CALN1: variants seen among roughly 807,000 people sequenced by gnomAD.
CALN1 encodes calcium-binding protein 8.
In CALN1, 17 loss-of-function variants were observed where a neutral mutation model predicts 30.6. That is an observed-to-expected ratio of 0.56 (90% CI 0.38 to 0.83). CALN1 has a LOEUF of 0.83. Ranked by LOEUF, CALN1 falls within the 40% of genes least tolerant of loss-of-function variation. CALN1 has a pLI of 0.00. For missense variants in CALN1, 291 were observed against 354.9 expected, an observed-to-expected ratio of 0.82 and a Z score of 1.45; for synonymous variants, 156 against 131.4, an observed-to-expected ratio of 1.19 and a Z score of -1.28.
chr7:72,101,381 T>C (rs529807882), intron 4 of CALN1, among the ~76,000 whole-genome samples: 2 of 152,282 alleles, frequency 1.3e-5, no homozygotes, highest in Admixed American at 1.3e-4. Context: ...TCTGAAATAA[T>C]GATGGAAGTC....
intron 5 of CALN1, among the ~76,000 whole-genome samples, chr7:71,901,379 A>G (rs1331915912): frequency 6.6e-6 from 1 of 151,078 alleles, no homozygotes; most frequent in African/African-American, 2.4e-5. Context: ...TACTAATATC[A>G]TTTTTCACAG....
intron 2 of CALN1, among the ~76,000 whole-genome samples, chr7:72,379,829 T>G (rs1804783063): frequency 6.6e-6 from 1 of 152,224 alleles, no homozygotes; most frequent in South Asian, 2.1e-4. Context: ...ATGTTAGGAC[T>G]TAAAGCCTGC....
intron 1 of CALN1, among the ~76,000 whole-genome samples, chr7:72,411,495 T>C (rs1428001946): frequency 1.4e-5 from 2 of 146,378 alleles, no homozygotes; most frequent in African/African-American, 2.5e-5. Context: ...GTGAACTCAA[T>C]TTATTTTTGT....
At chr7:71,940,540 A>G (rs971893627) in intron 5 of CALN1, among the ~76,000 whole-genome samples, 5 of 152,104 alleles carry the variant, frequency 3.3e-5, no homozygotes, top group Non-Finnish European at 7.3e-5. Context: ...TTTACTTTCC[A>G]ATACCATGAA....
intron 4 of CALN1, among the ~76,000 whole-genome samples, chr7:72,049,022 T>G (rs1051828416): frequency 6.6e-6 from 1 of 152,162 alleles, no homozygotes; most frequent in Non-Finnish European, 1.5e-5. Context: ...TTACTCAGGC[T>G]GCTCTAGAAC....
chr7:72,247,250 T>C (rs1250092268), intron 3 of CALN1, among the ~76,000 whole-genome samples: 9 of 118,646 alleles, frequency 7.6e-5, no homozygotes, highest in Non-Finnish European at 1.5e-4. Context: ...TTTTTTTTTT[T>C]TTTTTTTTTT....
At chr7:72,186,293 C>G (rs889972794) in intron 3 of CALN1, among the ~76,000 whole-genome samples, 3 of 151,942 alleles carry the variant, frequency 2.0e-5, no homozygotes, top group Admixed American at 6.6e-5. Flanking sequence ...CAATAGGAAC[C>G]GAATGGACAG....
At chr7:72,056,999 G>T (rs781366920) in intron 4 of CALN1, among the ~76,000 whole-genome samples, 2 of 151,948 alleles carry the variant, frequency 1.3e-5, no homozygotes, top group Admixed American at 6.6e-5. Flanking sequence ...GGAGTGCAGC[G>T]GCATGATCAT....
intron 5 of CALN1, among the ~76,000 whole-genome samples, chr7:71,894,752 CATG>C (rs1415548195): frequency 6.6e-6 from 1 of 152,136 alleles, no homozygotes; most frequent in Non-Finnish European, 1.5e-5. Flanking sequence ...TTTCTGAGAG[CATG>C]ATATGTTTTT....
At chr7:72,177,692 G>C (rs1228053572) in intron 3 of CALN1, among the ~76,000 whole-genome samples, 1 of 149,652 alleles carries the variant, frequency 6.7e-6, no homozygotes, top group South Asian at 2.1e-4. Context: ...TTGAACCTGA[G>C]AGGCAGAAGC....
At chr7:72,334,936 C>G (rs1401730025) in intron 2 of CALN1, among the ~76,000 whole-genome samples, 1 of 152,168 alleles carries the variant, frequency 6.6e-6, no homozygotes, top group Non-Finnish European at 1.5e-5. Context: ...CCAGGGCAGG[C>G]TACTCTGGAA....
chr7:71,874,849 A>G (rs1393285776), intron 5 of CALN1, among the ~76,000 whole-genome samples: 2 of 151,910 alleles, frequency 1.3e-5, no homozygotes, highest in Admixed American at 6.6e-5. Flanking sequence ...GAAGGGCTTT[A>G]TGTGTCTTGG....
intron 2 of CALN1, among the ~76,000 whole-genome samples, chr7:72,320,540 G>C (rs534731154): frequency 1.3e-5 from 2 of 152,206 alleles, no homozygotes; most frequent in Admixed American, 1.3e-4. Flanking sequence ...TGAGCAATTA[G>C]AATTACAGAG....
chr7:71,823,178 C>A (rs1788691840), intron 5 of CALN1, among the ~76,000 whole-genome samples: 1 of 132,290 alleles, frequency 7.6e-6, no homozygotes, highest in African/African-American at 3.9e-5. Context: ...CTCTCTCCGT[C>A]TCTCTCTCTT....
chr7:72,311,167 C>A (rs1034887931), intron 2 of CALN1, among the ~76,000 whole-genome samples: 1 of 152,074 alleles, frequency 6.6e-6, no homozygotes, highest in Non-Finnish European at 1.5e-5. Flanking sequence ...ATGAAGACCT[C>A]TATGATGACC....
chr7:72,235,662 C>A (rs908217637), intron 3 of CALN1, among the ~76,000 whole-genome samples: 1 of 151,866 alleles, frequency 6.6e-6, no homozygotes, highest in Non-Finnish European at 1.5e-5. Context: ...GGAAAACTCT[C>A]CAGCATCCCC....
intron 3 of CALN1, among the ~76,000 whole-genome samples, chr7:72,211,654 G>C (rs1792403278): frequency 6.6e-6 from 1 of 152,196 alleles, no homozygotes; most frequent in South Asian, 2.1e-4. Context: ...ATGAATGTTA[G>C]CTATCGCTGC....
intron 5 of CALN1, among the ~76,000 whole-genome samples, chr7:71,836,429 T>C (rs1026564345): frequency 6.6e-6 from 1 of 152,132 alleles, no homozygotes. Context: ...ATCTCTGCAG[T>C]GGTGCAATCG....
At chr7:72,111,331 G>T (rs138038384) in intron 3 of CALN1, among the ~76,000 whole-genome samples, 1 of 152,234 alleles carries the variant, frequency 6.6e-6, no homozygotes, top group African/African-American at 2.4e-5. Flanking sequence ...CAGAATCAAA[G>T]TTGGCGTTCC....
Sources: allele counts gnomAD v4.1 joint callset (sites outside exome capture counted in the v4.1 genomes callset), GRCh38; gene constraint gnomAD v4.1.1; transcripts MANE v1.5; gene names NCBI Gene and HGNC (gene_info 2026-07-23, HGNC 2026-07-21).